The following CSMD1 variants were observed in gnomAD, a reference collection of about 807,000 sequenced individuals.
CSMD1 encodes CUB and sushi domain-containing protein 1.
Under a neutral mutation model 417.5 loss-of-function variants are expected in CSMD1, and 213 were observed. That is an observed-to-expected ratio of 0.51 (90% confidence interval 0.46 to 0.57). CSMD1 has a LOEUF of 0.57. Among genes scored for constraint, CSMD1 ranks in the 20% least tolerant of loss-of-function variants. The pLI is 0.00. For missense variants in CSMD1, 6,923 were observed against 4,529.7 expected, an observed-to-expected ratio of 1.53 and a Z score of -15.17; for synonymous variants, 2,862 against 1,736.8, an observed-to-expected ratio of 1.65 and a Z score of -16.11.
At chr8:4,954,515 T>C (rs1203249507) in intron 1 of CSMD1, among the ~76,000 whole-genome samples, 1 of 152,122 alleles carries the variant, frequency 6.6e-6, no homozygotes, top group Non-Finnish European at 1.5e-5. Context: ...GCATTCCACC[T>C]CAATTCATCT....
chr8:4,703,207 C>T (rs1048593116), intron 1 of CSMD1, among the ~76,000 whole-genome samples: 1 of 152,166 alleles, frequency 6.6e-6, no homozygotes, highest in Non-Finnish European at 1.5e-5. Flanking sequence ...GTGGATGATG[C>T]TATAGCTCAT....
chr8:3,422,632 G>C (rs1248174015), intron 12 of CSMD1, among the ~76,000 whole-genome samples: 1 of 152,172 alleles, frequency 6.6e-6, no homozygotes, highest in Non-Finnish European at 1.5e-5. Context: ...AATCAAGTGG[G>C]AAATAAATTA....
intron 1 of CSMD1, among the ~76,000 whole-genome samples, chr8:4,982,312 C>G (rs1264201029): frequency 2.0e-5 from 3 of 152,210 alleles, no homozygotes; most frequent in East Asian, 1.9e-4. Flanking sequence ...GATTGCTCCC[C>G]CAATCTGTCC....
chr8:4,500,625 G>A (rs1161490823), intron 2 of CSMD1, among the ~76,000 whole-genome samples: 3 of 152,104 alleles, frequency 2.0e-5, no homozygotes, highest in East Asian at 1.9e-4. Context: ...GTTTTTGAGC[G>A]GGAGAGAGGG....
At chr8:4,224,459 G>C (rs1337023589) in intron 3 of CSMD1, among the ~76,000 whole-genome samples, 1 of 151,888 alleles carries the variant, frequency 6.6e-6, no homozygotes, top group Non-Finnish European at 1.5e-5. Context: ...AGGCCAGGTT[G>C]GGGAATAGTT....
chr8:4,058,762 C>T (rs1370269295), intron 3 of CSMD1, among the ~76,000 whole-genome samples: 7 of 144,080 alleles, frequency 4.9e-5, no homozygotes, highest in East Asian at 4.0e-4. Context: ...TATATATGCA[C>T]CCAATACAGG....
intron 21 of CSMD1, among the ~76,000 whole-genome samples, chr8:3,350,628 C>A (rs999643692): frequency 8.5e-5 from 13 of 152,078 alleles, no homozygotes; most frequent in African/African-American, 3.1e-4. Context: ...AAAAAAGTGT[C>A]TTCTTAAGGA....
intron 10 of CSMD1, among the ~76,000 whole-genome samples, chr8:3,524,019 G>A (rs1352227745): frequency 1.2e-4 from 13 of 107,578 alleles, no homozygotes; most frequent in African/African-American, 4.6e-4. Flanking sequence ...ATGTGCACGT[G>A]CACACACACA....
chr8:3,730,629 T>C (rs1268702990), intron 6 of CSMD1, among the ~76,000 whole-genome samples: 1 of 152,174 alleles, frequency 6.6e-6, no homozygotes, highest in Non-Finnish European at 1.5e-5. Context: ...TGTCATCCTC[T>C]AAAAAGCTTA....
chr8:4,703,782 C>A (rs989247543), intron 1 of CSMD1, among the ~76,000 whole-genome samples: 3 of 152,032 alleles, frequency 2.0e-5, no homozygotes, highest in East Asian at 3.9e-4. Context: ...CATTGGGATA[C>A]GAAGAGACCC....
At chr8:3,372,446 G>C (rs1015718982) in intron 18 of CSMD1, among the ~76,000 whole-genome samples, 6 of 152,158 alleles carry the variant, frequency 3.9e-5, no homozygotes, top group Admixed American at 6.6e-5. Context: ...GCTGTGCTGA[G>C]AGAATACACA....
intron 3 of CSMD1, among the ~76,000 whole-genome samples, chr8:4,212,364 T>G (rs897190766): frequency 6.6e-6 from 1 of 152,090 alleles, no homozygotes; most frequent in African/African-American, 2.4e-5. Flanking sequence ...TTAAAAGGCT[T>G]TACACATAGA....
chr8:3,101,741 G>A (rs1350219716), intron 46 of CSMD1, among the ~76,000 whole-genome samples: 1 of 150,198 alleles, frequency 6.7e-6, no homozygotes, highest in Non-Finnish European at 1.5e-5. Context: ...GACTTTCAAA[G>A]AACAATGCAC....
At chr8:4,403,117 C>G (rs1804762333) in intron 3 of CSMD1, among the ~76,000 whole-genome samples, 1 of 151,992 alleles carries the variant, frequency 6.6e-6, no homozygotes, top group East Asian at 1.9e-4. Context: ...AGGCGTGAGC[C>G]ACTGCCCCCG....
At chr8:2,989,483 T>C (rs1316496319) in intron 54 of CSMD1, among the ~76,000 whole-genome samples, 1 of 152,212 alleles carries the variant, frequency 6.6e-6, no homozygotes, top group Non-Finnish European at 1.5e-5. Flanking sequence ...CCCTGCTTCA[T>C]CAGATATATT....
intron 5 of CSMD1, among the ~76,000 whole-genome samples, chr8:3,767,912 T>C (rs1335404490): frequency 6.6e-6 from 1 of 152,264 alleles, no homozygotes; most frequent in Middle Eastern, 3.4e-3. Context: ...TTTCCCAACT[T>C]CTTAGCTTTT....
intron 3 of CSMD1, among the ~76,000 whole-genome samples, chr8:4,345,419 A>G (rs1800724600): frequency 6.6e-6 from 1 of 152,144 alleles, no homozygotes; most frequent in African/African-American, 2.4e-5. Context: ...TACAATGTAT[A>G]GTGATCAAAT....
intron 40 of CSMD1, among the ~76,000 whole-genome samples, chr8:3,145,301 G>T (rs866734253): frequency 6.6e-6 from 1 of 152,154 alleles, no homozygotes; most frequent in Non-Finnish European, 1.5e-5. Flanking sequence ...ATATTTTATG[G>T]TAGGGAAATG....
At chr8:3,057,481 TAC>T (rs1812311297) in intron 49 of CSMD1, among the ~76,000 whole-genome samples, 3 of 152,316 alleles carry the variant, frequency 2.0e-5, no homozygotes, top group Admixed American at 6.5e-5. Flanking sequence ...TATATATGTA[TAC>T]ACACTTATAG....
Sources: allele counts gnomAD v4.1 joint callset (sites outside exome capture counted in the v4.1 genomes callset), GRCh38; gene constraint gnomAD v4.1.1; transcripts MANE v1.5; gene names NCBI Gene and HGNC (gene_info 2026-07-23, HGNC 2026-07-21).